Variants in ZNF385D observed in about 807,000 individuals in gnomAD.
The protein encoded by ZNF385D is zinc finger protein 659.
In ZNF385D, 15 loss-of-function variants were observed where a neutral mutation model predicts 35.8. The observed-to-expected ratio is 0.42, with a 90% CI of 0.28 to 0.64. The LOEUF is 0.64. Ranked by LOEUF, ZNF385D falls within the 30% of genes least tolerant of loss-of-function variation. The pLI is 0.23. For synonymous variants in ZNF385D, 212 were observed against 186.8 expected (o/e 1.13, Z -1.10); for missense variants, 474 against 494.6 (o/e 0.96, Z 0.39).
chr3:22,286,725 G>A (rs1702043505), intron 2 of ZNF385D, among the ~76,000 whole-genome samples: 1 of 152,026 alleles, frequency 6.6e-6, no homozygotes, highest in Middle Eastern at 3.4e-3. Context: ...CTGATTTCTA[G>A]TTTTGTTGCA....
At chr3:21,767,324 ATT>A (rs2070872860) in intron 3 of ZNF385D, among the ~76,000 whole-genome samples, 1 of 151,792 alleles carries the variant, frequency 6.6e-6, no homozygotes, top group African/African-American at 2.4e-5. Flanking sequence ...AATTTTACTC[ATT>A]CTTTCTCCTT....
chr3:22,013,670 C>A (rs752844125), intron 3 of ZNF385D, among the ~76,000 whole-genome samples: 5 of 152,080 alleles, frequency 3.3e-5, no homozygotes, highest in Non-Finnish European at 5.9e-5. Flanking sequence ...TCCAGCCAGA[C>A]TAAAAATTTA....
At chr3:21,948,597 T>C (rs536196) in intron 3 of ZNF385D, among the ~76,000 whole-genome samples, 39,427 of 152,082 alleles carry the variant, frequency 0.26, 5,826 homozygotes, top group Admixed American at 0.41. Context: ...GATTTCTATA[T>C]ACTGAATTGG....
intron 3 of ZNF385D, among the ~76,000 whole-genome samples, chr3:22,049,416 T>C (rs1333285220): frequency 1.3e-5 from 2 of 152,138 alleles, no homozygotes; most frequent in East Asian, 3.8e-4. Flanking sequence ...GGGTGTTCTT[T>C]TTTTTTGGCG....
At chr3:22,153,879 C>T (rs1167456829) in intron 3 of ZNF385D, among the ~76,000 whole-genome samples, 2 of 152,096 alleles carry the variant, frequency 1.3e-5, no homozygotes, top group South Asian at 2.1e-4. Context: ...CTTTTACTCC[C>T]ACACCATGTG....
At chr3:21,804,900 T>C (rs2125693457) in intron 3 of ZNF385D, among the ~76,000 whole-genome samples, 1 of 152,284 alleles carries the variant, frequency 6.6e-6, no homozygotes, top group South Asian at 2.1e-4. Flanking sequence ...GAAAATCAAT[T>C]TTAAAAATGA....
chr3:21,831,156 A>T (rs953154763), intron 3 of ZNF385D, among the ~76,000 whole-genome samples: 19 of 152,122 alleles, frequency 1.2e-4, no homozygotes, highest in Non-Finnish European at 1.5e-5. Flanking sequence ...TAATTTTGTA[A>T]AAATATTTTA....
chr3:21,771,650 G>C (rs1309638051), intron 3 of ZNF385D, among the ~76,000 whole-genome samples: 1 of 151,816 alleles, frequency 6.6e-6, no homozygotes, highest in East Asian at 1.9e-4. Flanking sequence ...AGCAAGAAGA[G>C]CCAAGATGGG....
At chr3:22,250,585 G>A (rs991671486) in intron 2 of ZNF385D, among the ~76,000 whole-genome samples, 8 of 152,072 alleles carry the variant, frequency 5.3e-5, no homozygotes, top group African/African-American at 1.9e-4. Context: ...TGGGGACTCA[G>A]GGGAAAATGA....
At chr3:22,039,622 C>T (rs891643167) in intron 3 of ZNF385D, among the ~76,000 whole-genome samples, 1 of 152,100 alleles carries the variant, frequency 6.6e-6, no homozygotes, top group African/African-American at 2.4e-5. Context: ...ATGACAATTT[C>T]ATTCAACCTA....
chr3:22,190,796 T>C (rs1303787427), intron 2 of ZNF385D, among the ~76,000 whole-genome samples: 1 of 152,148 alleles, frequency 6.6e-6, no homozygotes, highest in Non-Finnish European at 1.5e-5. Flanking sequence ...TTTTTTCCTC[T>C]TTACACTAGA....
chr3:22,048,063 A>C (rs1216092120), intron 3 of ZNF385D, among the ~76,000 whole-genome samples: 1 of 151,588 alleles, frequency 6.6e-6, no homozygotes, highest in East Asian at 1.9e-4. Context: ...ACATCCATTC[A>C]TTTTTTTCAT....
chr3:21,756,543 G>A lies in ZNF385D; in HGVS notation c.326-91515C>T, dbSNP rs113307856. On this transcript the variant is annotated intron_variant, in intron 3 of 5. Transcript: ENST00000494108. The stretch of plus-strand genomic sequence containing the variant: ...TTGGGATTCATATTTAAATTTGGAA[G>A]TCATGATTTTATAAATGATAATAAA... Among the ~76,000 whole-genome samples the A allele has an allele frequency of 1.3e-3, 201 of 152,224 alleles. 3 individuals are homozygous for A. The highest frequency in any genetic ancestry group is 4.4e-3 in the African/African-American group (183 of 41,542).
chr3:21,696,712 C>T (rs1423078713), intron 1 of ZNF385D, among the ~76,000 whole-genome samples: 1 of 152,214 alleles, frequency 6.6e-6, no homozygotes, highest in Non-Finnish European at 1.5e-5. Flanking sequence ...TTAGAAGGAA[C>T]TATCCCACAA....
At chr3:21,513,710 A>G (rs368635741) in intron 3 of ZNF385D, among the ~76,000 whole-genome samples, 24 of 152,120 alleles carry the variant, frequency 1.6e-4, no homozygotes, top group African/African-American at 4.8e-4. Context: ...TTGGAAGGCT[A>G]ATATAGACAG....
intron 3 of ZNF385D, among the ~76,000 whole-genome samples, chr3:22,035,348 G>A (rs1241939266): frequency 2.0e-5 from 3 of 152,102 alleles, no homozygotes; most frequent in Non-Finnish European, 4.4e-5. Flanking sequence ...ATCTTCTCCT[G>A]TCTTTTAAAA....
chr3:21,767,411 A>G (rs1418421193), intron 3 of ZNF385D, among the ~76,000 whole-genome samples: 2 of 151,944 alleles, frequency 1.3e-5, no homozygotes, highest in African/African-American at 2.4e-5. Flanking sequence ...TATTTCTTCT[A>G]TAGCATTTCA....
intron 2 of ZNF385D, among the ~76,000 whole-genome samples, chr3:22,291,692 T>C (rs912645451): frequency 5.9e-5 from 9 of 152,068 alleles, no homozygotes; most frequent in African/African-American, 2.2e-4. Context: ...GGGTTTATGA[T>C]CTTGTGTATA....
At chr3:21,467,868 G>A (rs1252150618) in intron 4 of ZNF385D, among the ~76,000 whole-genome samples, 5 of 152,128 alleles carry the variant, frequency 3.3e-5, no homozygotes, top group African/African-American at 1.2e-4. Context: ...TATGGAATGA[G>A]GGTATTGACC....
Sources: gnomAD v4.1 joint callset for allele counts (sites outside exome capture counted in the v4.1 genomes callset) on GRCh38, gnomAD v4.1.1 for gene constraint, MANE v1.5 for transcripts, NCBI Gene and HGNC (gene_info 2026-07-23, HGNC 2026-07-21) for gene names.